Variants in KIFAP3 observed in about 807,000 individuals in gnomAD.
KIFAP3 encodes the protein kinesin-associated protein 3.
Under a neutral mutation model 106.5 loss-of-function variants are expected in KIFAP3, and 68 were observed. That is an observed-to-expected ratio of 0.64 (90% CI 0.53 to 0.78). The LOEUF is 0.78. KIFAP3 is among the 30% of genes least tolerant of loss of function. KIFAP3 has a pLI of 0.00. For missense variants in KIFAP3, 780 were observed against 941.8 expected, an observed-to-expected ratio of 0.83 and a Z score of 2.25; for synonymous variants, 320 against 311.5, an observed-to-expected ratio of 1.03 and a Z score of -0.29.
At chr1:169,926,673 TTGTG>T (rs112339572) in intron 19 of KIFAP3, among the ~76,000 whole-genome samples, 1 of 126,258 alleles carries the variant, frequency 7.9e-6, no homozygotes, top group African/African-American at 2.5e-5. Flanking sequence ...ATATGTACAG[TTGTG>T]TGTGTACACA....
At chr1:170,030,660 TTTAA>T (rs1346487610) in intron 8 of KIFAP3, among the ~76,000 whole-genome samples, 5 of 151,870 alleles carry the variant, frequency 3.3e-5, no homozygotes, top group South Asian at 2.1e-4. Flanking sequence ...TGGATGAATC[TTTAA>T]TTATGCTGAG....
chr1:170,024,977 T>C (rs1203306928), intron 8 of KIFAP3, among the ~76,000 whole-genome samples: 3 of 152,074 alleles, frequency 2.0e-5, no homozygotes, highest in Non-Finnish European at 4.4e-5. Context: ...TTTACACATA[T>C]AGAAAACAAG....
chr1:170,036,924 CAT>C (rs1030865880), intron 5 of KIFAP3, among the ~76,000 whole-genome samples: 12 of 152,260 alleles, frequency 7.9e-5, no homozygotes, highest in Admixed American at 3.3e-4. Flanking sequence ...TGAATGCAAT[CAT>C]AATCAAAATC....
chr1:170,042,784 G>A (rs1670048013), intron 3 of KIFAP3, among the ~76,000 whole-genome samples: 2 of 152,092 alleles, frequency 1.3e-5, no homozygotes, highest in East Asian at 1.9e-4. Context: ...CACAGGTTGC[G>A]GAGGCATTTT....
intron 10 of KIFAP3, among the ~76,000 whole-genome samples, chr1:169,999,898 T>C (rs911009394): frequency 1.3e-5 from 2 of 152,148 alleles, no homozygotes; most frequent in African/African-American, 4.8e-5. Context: ...TGCATCTTTT[T>C]TTCTTTTTAA....
chr1:170,036,634 A>G (rs1047085456), intron 5 of KIFAP3, among the ~76,000 whole-genome samples: 1 of 152,158 alleles, frequency 6.6e-6, no homozygotes, highest in Non-Finnish European at 1.5e-5. Flanking sequence ...GCTTTGTTCA[A>G]TCTAGTAATT....
chr1:170,058,381 C>A (rs1160793999), intron 1 of KIFAP3, among the ~76,000 whole-genome samples: 1 of 152,154 alleles, frequency 6.6e-6, no homozygotes, highest in Non-Finnish European at 1.5e-5. Context: ...TTGGTCTACT[C>A]TCCATATGCT....
At chr1:169,940,543 A>T (rs752662191) in intron 19 of KIFAP3, among the ~76,000 whole-genome samples, 1 of 152,172 alleles carries the variant, frequency 6.6e-6, no homozygotes, top group South Asian at 2.1e-4. Flanking sequence ...TTAGATCCTC[A>T]TAAGGAGCAC....
chr1:170,083,913 T>C (rs992141558), intron 1 of KIFAP3, among the ~76,000 whole-genome samples: 1 of 152,186 alleles, frequency 6.6e-6, no homozygotes, highest in African/African-American at 2.4e-5. Context: ...AATGATGATG[T>C]TATTATTATT....
At chr1:169,962,478 T>C (rs1047522140) in intron 17 of KIFAP3, among the ~76,000 whole-genome samples, 3 of 152,194 alleles carry the variant, frequency 2.0e-5, no homozygotes, top group South Asian at 2.1e-4. Context: ...TTTCATGTCA[T>C]TGTTAGAGTT....
chr1:170,059,241 A>G (rs1266420925), intron 1 of KIFAP3, among the ~76,000 whole-genome samples: 1 of 152,212 alleles, frequency 6.6e-6, no homozygotes, highest in Non-Finnish European at 1.5e-5. Flanking sequence ...TGAAAAGATC[A>G]ACAAAACTGA....
At chr1:170,009,702 T>C (rs2101984341) in intron 10 of KIFAP3, among the ~76,000 whole-genome samples, 1 of 152,242 alleles carries the variant, frequency 6.6e-6, no homozygotes, top group Admixed American at 6.6e-5. Flanking sequence ...TATCAGTACA[T>C]ATTCTAGGGT....
At chr1:169,982,606 C>A (rs950813790) in intron 14 of KIFAP3, 96 bp downstream of exon 14, 1 of 785,710 alleles carries the variant, frequency 1.3e-6, no homozygotes, top group African/African-American at 1.8e-5. Flanking sequence ...CTTTTCCTAA[C>A]ATAATAATAG....
At chr1:170,046,925 A>C (rs1670288240) in intron 2 of KIFAP3, 59 bp from the exon 3 acceptor site, 1 of 958,334 alleles carries the variant, frequency 1.0e-6, no homozygotes, top group Admixed American at 3.1e-5. Flanking sequence ...CTTCAATACT[A>C]CTACTTTAAA....
chr1:169,970,609 A>AT (rs1379836015), intron 17 of KIFAP3, among the ~76,000 whole-genome samples: 1 of 151,924 alleles, frequency 6.6e-6, no homozygotes, highest in African/African-American at 2.4e-5. Context: ...TATTTTTTGG[A>AT]TTTTTTATTA....
intron 1 of KIFAP3, among the ~76,000 whole-genome samples, chr1:170,082,189 G>A (rs527791929): frequency 6.6e-6 from 1 of 152,224 alleles, no homozygotes; most frequent in African/African-American, 2.4e-5. Context: ...CAACCCAAAT[G>A]TCTATTAACA....
At chr1:170,037,061 A>G (rs951666421) in intron 5 of KIFAP3, among the ~76,000 whole-genome samples, 5 of 152,328 alleles carry the variant, frequency 3.3e-5, no homozygotes, top group Admixed American at 6.5e-5. Context: ...TACATATTCT[A>G]AAGTTCAAAT....
chr1:170,058,162 C>T (rs1353137801), intron 1 of KIFAP3, among the ~76,000 whole-genome samples: 1 of 152,108 alleles, frequency 6.6e-6, no homozygotes, highest in Non-Finnish European at 1.5e-5. Flanking sequence ...ATAATAAATG[C>T]TGATGAACCT....
intron 3 of KIFAP3, among the ~76,000 whole-genome samples, chr1:170,041,044 C>T (rs912014723): frequency 5.3e-5 from 8 of 151,974 alleles, no homozygotes; most frequent in African/African-American, 1.5e-4. Context: ...AGGATGGTCT[C>T]GATCTCTTGA....
Sources: allele counts gnomAD v4.1 joint callset (sites outside exome capture counted in the v4.1 genomes callset), GRCh38; gene constraint gnomAD v4.1.1; transcripts MANE v1.5; gene names NCBI Gene and HGNC (gene_info 2026-07-23, HGNC 2026-07-21).